The following NEIL3 variants were observed in gnomAD, a reference collection of about 807,000 sequenced individuals.
NEIL3 encodes endonuclease 8-like 3.
In NEIL3, 48 loss-of-function variants were observed where a neutral mutation model predicts 57.5. That is an observed-to-expected ratio of 0.83 (90% CI 0.66 to 1.06). NEIL3 has a LOEUF of 1.06. Ranked by LOEUF, NEIL3 falls within the 50% of genes least tolerant of loss-of-function variation. The probability of loss-of-function intolerance (pLI) is 0.00; values close to 1 mark genes in which losing one functional copy is unlikely to be tolerated. For synonymous variants in NEIL3, 261 were observed against 253.2 expected (o/e 1.03, Z -0.29); for missense variants, 717 against 739.1 (o/e 0.97, Z 0.35).
At chr4:177,336,819 G>T (rs1200508929) in intron 4 of NEIL3, among the ~76,000 whole-genome samples, 1 of 152,124 alleles carries the variant, frequency 6.6e-6, no homozygotes, top group African/African-American at 2.4e-5. Context: ...TTAAGTACAT[G>T]TTCTGCACAC....
At chr4:177,334,211 T>G (rs1734934209) in intron 2 of NEIL3, among the ~76,000 whole-genome samples, 1 of 152,024 alleles carries the variant, frequency 6.6e-6, no homozygotes, top group Non-Finnish European at 1.5e-5. Context: ...AATATTTTCA[T>G]GATACTGATA....
intron 6 of NEIL3, among the ~76,000 whole-genome samples, chr4:177,348,121 T>C (rs942421996): frequency 6.6e-6 from 1 of 152,166 alleles, no homozygotes; most frequent in Admixed American, 6.5e-5. Context: ...TCTCAAACTT[T>C]AGTGTGTACC....
chr4:177,341,706 T>G (rs1371049061), intron 6 of NEIL3, 64 bp downstream of exon 6: 40 of 1,374,428 alleles, frequency 2.9e-5, no homozygotes, highest in Non-Finnish European at 3.9e-5. Flanking sequence ...GCTAATAATC[T>G]GAGAATATAA....
chr4:177,362,080 C>T (rs867158047), intron 9 of NEIL3, among the ~76,000 whole-genome samples: 37 of 152,056 alleles, frequency 2.4e-4, no homozygotes, highest in African/African-American at 8.2e-4. Context: ...CCATTTTCTG[C>T]GTGATTCAAA....
At chr4:177,367,772 CAGAT>C (rs1204865751), downstream of NEIL3, among the ~76,000 whole-genome samples, 1 of 152,216 alleles carries the variant, frequency 6.6e-6, no homozygotes, top group Non-Finnish European at 1.5e-5. Context: ...AACTGAGAGT[CAGAT>C]AGACTGTGGG....
chr4:177,328,664 A>C (rs916169426), intron 2 of NEIL3, among the ~76,000 whole-genome samples: 3 of 152,222 alleles, frequency 2.0e-5, no homozygotes, highest in African/African-American at 7.2e-5. Context: ...GGAGACCTGC[A>C]GTGCAAGAAA....
At chr4:177,334,691 G>A (rs988521398) in intron 2 of NEIL3, among the ~76,000 whole-genome samples, 6 of 152,140 alleles carry the variant, frequency 3.9e-5, no homozygotes, top group Admixed American at 1.3e-4. Flanking sequence ...GGCACACAGA[G>A]TTTAAAACCC....
intron 1 of NEIL3, 62 bp downstream of exon 1, chr4:177,310,171 C>G: frequency 1.4e-6 from 2 of 1,423,558 alleles, no homozygotes; most frequent in Admixed American, 6.7e-5. Flanking sequence ...AAGACCCCAT[C>G]AGGGTTCCAG....
chr4:177,317,068 C>T (rs910335915), intron 1 of NEIL3, among the ~76,000 whole-genome samples: 2 of 152,168 alleles, frequency 1.3e-5, no homozygotes, highest in African/African-American at 4.8e-5. Flanking sequence ...GCACTGAAGT[C>T]ATTTGATATT....
At chr4:177,322,184 G>A (rs926970831) in intron 1 of NEIL3, among the ~76,000 whole-genome samples, 2 of 152,132 alleles carry the variant, frequency 1.3e-5, no homozygotes, top group Non-Finnish European at 2.9e-5. Context: ...TATGCACAGA[G>A]CTATATGGTC....
chr4:177,359,724 G>A (rs941300449), intron 8 of NEIL3, among the ~76,000 whole-genome samples: 1 of 151,992 alleles, frequency 6.6e-6, no homozygotes, highest in Non-Finnish European at 1.5e-5. Context: ...TTCTCTTAAA[G>A]GCATTATTAA....
chr4:177,348,183 G>A, intron 6 of NEIL3, among the ~76,000 whole-genome samples: 1 of 152,160 alleles, frequency 6.6e-6, no homozygotes, highest in East Asian at 1.9e-4. Flanking sequence ...CCCACCCCTA[G>A]AGCTGGGGAT....
intron 7 of NEIL3, among the ~76,000 whole-genome samples, chr4:177,352,135 C>T (rs1425955210): frequency 6.6e-6 from 1 of 152,194 alleles, no homozygotes; most frequent in East Asian, 1.9e-4. Flanking sequence ...CTCATTGCAG[C>T]GGCTTCTATT....
At chr4:177,360,467 C>T (rs772753235) in intron 8 of NEIL3, 36 bp from the exon 9 acceptor site, 6 of 1,568,810 alleles carry the variant, frequency 3.8e-6, no homozygotes, top group Non-Finnish European at 5.2e-6. Flanking sequence ...CCTTAGCACT[C>T]CTATGCTGTA....
intron 7 of NEIL3, among the ~76,000 whole-genome samples, chr4:177,352,822 T>A (rs1227911702): frequency 1.4e-5 from 2 of 139,468 alleles, no homozygotes; most frequent in African/African-American, 2.5e-5. Flanking sequence ...AGAACAAGAC[T>A]CCGTTTCAAA....
At chr4:177,364,309 C>T (rs1049314887), downstream of NEIL3, among the ~76,000 whole-genome samples, 3 of 152,102 alleles carry the variant, frequency 2.0e-5, no homozygotes, top group Admixed American at 1.3e-4. Flanking sequence ...GGAGAGTGAA[C>T]TAAAGCAGGC....
intron 2 of NEIL3, among the ~76,000 whole-genome samples, chr4:177,327,294 C>G (rs1290715327): frequency 1.3e-5 from 2 of 152,168 alleles, no homozygotes; most frequent in Admixed American, 6.5e-5. Flanking sequence ...CAGACTAATA[C>G]ACTTGCTAAA....
At chr4:177,362,942 A>G (rs777365028), downstream of NEIL3, 2 of 152,180 alleles carry the variant, frequency 1.3e-5, no homozygotes, top group South Asian at 2.1e-4. Context: ...CTTTATGAAC[A>G]AGTCTATTTT....
At chr4:177,349,104 G>C (rs1486303149) in intron 6 of NEIL3, among the ~76,000 whole-genome samples, 1 of 142,786 alleles carries the variant, frequency 7.0e-6, no homozygotes, top group Non-Finnish European at 1.5e-5. Flanking sequence ...GGATGGTCTC[G>C]ATCTCCTGAC....
Sources: gnomAD v4.1 joint callset for allele counts (sites outside exome capture counted in the v4.1 genomes callset) on GRCh38, gnomAD v4.1.1 for gene constraint, MANE v1.5 for transcripts, NCBI Gene and HGNC (gene_info 2026-07-23, HGNC 2026-07-21) for gene names.